The following PCDH9 variants were observed in gnomAD, a reference collection of about 807,000 sequenced individuals.
PCDH9 encodes protocadherin 9.
PCDH9 carries 24 observed loss-of-function variants against 70.6 expected under a neutral mutation model. The ratio of observed to expected loss-of-function variants is 0.34; its 90% CI spans 0.25 to 0.48. The LOEUF is 0.48. PCDH9 is among the 20% of genes least tolerant of loss of function. PCDH9 has a pLI of 0.99. For synonymous variants in PCDH9, 562 were observed against 558.5 expected (o/e 1.01, Z -0.09); for missense variants, 1,281 against 1,503.6 (o/e 0.85, Z 2.45).
intron 2 of PCDH9, among the ~76,000 whole-genome samples, chr13:67,019,108 G>A (rs1211134459): frequency 1.3e-5 from 2 of 151,384 alleles, no homozygotes; most frequent in African/African-American, 2.4e-5. Context: ...AAGTTCTCAT[G>A]AGAATCTTCC....
At chr13:66,746,904 C>G (rs1005109458) in intron 3 of PCDH9, among the ~76,000 whole-genome samples, 2 of 151,992 alleles carry the variant, frequency 1.3e-5, no homozygotes, top group Admixed American at 6.5e-5. Context: ...TGTGAGACTA[C>G]TAAATGTGAA....
chr13:66,633,003 A>G (rs2077591794), intron 3 of PCDH9, among the ~76,000 whole-genome samples: 1 of 152,280 alleles, frequency 6.6e-6, no homozygotes, highest in East Asian at 1.9e-4. Context: ...AATAGTATAG[A>G]TAGGTATACT....
At chr13:66,601,834 G>A (rs1593760195) in intron 4 of PCDH9, among the ~76,000 whole-genome samples, 1 of 145,992 alleles carries the variant, frequency 6.8e-6, no homozygotes, top group East Asian at 1.9e-4. Flanking sequence ...TTACTCATGT[G>A]TTTGTGGTGA....
chr13:67,113,073 T>G (rs1362838711), intron 2 of PCDH9, among the ~76,000 whole-genome samples: 1 of 152,196 alleles, frequency 6.6e-6, no homozygotes, highest in Non-Finnish European at 1.5e-5. Context: ...TATTTGACTT[T>G]TCAGTTAAAA....
At chr13:66,685,952 T>C (rs913135008) in intron 3 of PCDH9, among the ~76,000 whole-genome samples, 4 of 152,192 alleles carry the variant, frequency 2.6e-5, no homozygotes, top group Admixed American at 2.6e-4. Context: ...TACAGGCTTA[T>C]AGGTGGAAGG....
chr13:67,018,570 G>C (rs1179039760), intron 2 of PCDH9, among the ~76,000 whole-genome samples: 1 of 144,094 alleles, frequency 6.9e-6, no homozygotes, highest in Non-Finnish European at 1.5e-5. Flanking sequence ...AGTGAACCTA[G>C]ATTGTGCCAC....
chr13:66,917,810 G>A lies in PCDH9; in HGVS notation c.3037-14205C>T, dbSNP rs1484275401. Among the ~76,000 whole-genome samples the A allele has an allele frequency of 5.3e-5, 8 of 151,492 alleles. 1 individual carries two copies. In the East Asian group the frequency reaches 1.6e-3, roughly 29 times the overall value. On this transcript the variant is annotated intron_variant, in intron 2 of 4. Coordinates refer to ENST00000377865, the MANE Select transcript of PCDH9 (RefSeq NM_203487.3). ...TGTCATGTTTTCATTTTAACATCAT[G>A]TATATGATAAACTATTAAGGACAGC...
At chr13:66,500,251 T>C (rs1196318406) in intron 4 of PCDH9, among the ~76,000 whole-genome samples, 1 of 152,178 alleles carries the variant, frequency 6.6e-6, no homozygotes, top group East Asian at 1.9e-4. Flanking sequence ...ATTTCTGTCA[T>C]ATGATCTTGC....
rs554826496 is a variant in PCDH9, at chr13:66,608,042, C to G, written c.3340+23168G>C. On this transcript the variant is annotated intron_variant, in intron 4 of 4. Transcript: ENST00000377865. ...TAAATGGAAAAATATATTAATTAAT[C>G]AATGAATGAATAAAAAAGAAATATT... Among the ~76,000 whole-genome samples, 7 of 151,952 alleles carry G rather than the reference C, an allele frequency of 4.6e-5. No homozygotes were observed. In the East Asian group the frequency reaches 1.2e-3, roughly 25 times the overall value.
At chr13:66,530,513 ATG>A (rs1362646126) in intron 4 of PCDH9, among the ~76,000 whole-genome samples, 2 of 151,858 alleles carry the variant, frequency 1.3e-5, no homozygotes, top group East Asian at 3.9e-4. Context: ...TAACAGAACT[ATG>A]ACATTAAATA....
At chr13:67,096,588 G>C (rs935990469) in intron 2 of PCDH9, among the ~76,000 whole-genome samples, 1 of 152,134 alleles carries the variant, frequency 6.6e-6, no homozygotes, top group Non-Finnish European at 1.5e-5. Context: ...TTTAGATGTT[G>C]TTCACATCTC....
intron 4 of PCDH9, among the ~76,000 whole-genome samples, chr13:66,319,271 C>T (rs937372453): frequency 2.6e-5 from 4 of 152,116 alleles, no homozygotes; most frequent in African/African-American, 4.8e-5. Flanking sequence ...TTCCCTTCCT[C>T]GACATGTGAG....
At chr13:66,708,293 C>T (rs1055077342) in intron 3 of PCDH9, among the ~76,000 whole-genome samples, 12 of 152,020 alleles carry the variant, frequency 7.9e-5, no homozygotes, top group Non-Finnish European at 1.6e-4. Context: ...TCGTGATCCG[C>T]CCGCCTCGGC....
chr13:66,702,080 A>T (rs2078654958), intron 3 of PCDH9, among the ~76,000 whole-genome samples: 1 of 152,152 alleles, frequency 6.6e-6, no homozygotes, highest in Non-Finnish European at 1.5e-5. Context: ...TATTATGTTC[A>T]TTTTCAAATA....
At chr13:66,600,068 C>T (rs1011431049) in intron 4 of PCDH9, among the ~76,000 whole-genome samples, 2 of 151,726 alleles carry the variant, frequency 1.3e-5, no homozygotes, top group African/African-American at 4.8e-5. Context: ...TATAAGCTGT[C>T]AGTAAATTTT....
At chr13:66,845,420 C>A (rs2081190718) in intron 3 of PCDH9, among the ~76,000 whole-genome samples, 1 of 152,250 alleles carries the variant, frequency 6.6e-6, no homozygotes, top group South Asian at 2.1e-4. Context: ...GCGCGGGAAG[C>A]AGGGAGAGGC....
chr13:66,538,425 T>C (rs1345604285), intron 4 of PCDH9, among the ~76,000 whole-genome samples: 1 of 152,156 alleles, frequency 6.6e-6, no homozygotes, highest in Non-Finnish European at 1.5e-5. Context: ...TTCTTCAATA[T>C]TCACATCTCC....
At chr13:67,128,189 A>C (rs891118832) in intron 2 of PCDH9, among the ~76,000 whole-genome samples, 1 of 152,210 alleles carries the variant, frequency 6.6e-6, no homozygotes, top group African/African-American at 2.4e-5. Context: ...CACTGCAATA[A>C]CAGATCATCA....
intron 3 of PCDH9, among the ~76,000 whole-genome samples, chr13:66,655,816 C>T (rs2139002837): frequency 6.6e-6 from 1 of 152,250 alleles, no homozygotes; most frequent in Non-Finnish European, 1.5e-5. Context: ...TGTTTAATTT[C>T]ATATTACAGT....
Sources: gnomAD v4.1 joint callset for allele counts (sites outside exome capture counted in the v4.1 genomes callset) on GRCh38, gnomAD v4.1.1 for gene constraint, MANE v1.5 for transcripts, NCBI Gene and HGNC (gene_info 2026-07-23, HGNC 2026-07-21) for gene names.